Variants in DOCK4 observed in about 807,000 individuals in gnomAD.
The protein encoded by DOCK4 is dedicator of cytokinesis protein 4.
In DOCK4, 97 loss-of-function variants were observed where a neutral mutation model predicts 268.1. The ratio of observed to expected loss-of-function variants is 0.36; its 90% CI spans 0.31 to 0.43. The LOEUF is 0.43. Among genes scored for constraint, DOCK4 ranks in the 20% least tolerant of loss-of-function variants. DOCK4 has a pLI of 1.00. For synonymous variants in DOCK4, 954 were observed against 887.2 expected (o/e 1.08, Z -1.34); for missense variants, 2,145 against 2,455.7 (o/e 0.87, Z 2.67).
At chr7:112,006,167 T>C (rs1800845667) in intron 1 of DOCK4, among the ~76,000 whole-genome samples, 1 of 152,178 alleles carries the variant, frequency 6.6e-6, no homozygotes, top group African/African-American at 2.4e-5. Context: ...CATCACTTAT[T>C]ACCTGTGTGA....
chr7:112,082,470 C>T (rs1808682880), intron 1 of DOCK4, among the ~76,000 whole-genome samples: 2 of 152,168 alleles, frequency 1.3e-5, no homozygotes, highest in Admixed American at 6.6e-5. Context: ...TACTCCTTTA[C>T]TGGGGGATAA....
chr7:111,777,823 T>C (rs1798548043), intron 36 of DOCK4, among the ~76,000 whole-genome samples: 1 of 152,188 alleles, frequency 6.6e-6, no homozygotes, highest in Non-Finnish European at 1.5e-5. Context: ...AACTCTCTCT[T>C]GTCTGCCGCC....
At chr7:111,976,233 T>C (rs1798176663) in intron 8 of DOCK4, among the ~76,000 whole-genome samples, 1 of 116,696 alleles carries the variant, frequency 8.6e-6, no homozygotes, top group South Asian at 2.7e-4. Context: ...CGTGTGTGTG[T>C]ATATATATGT....
intron 1 of DOCK4, among the ~76,000 whole-genome samples, chr7:112,201,320 A>G (rs899235220): frequency 6.6e-6 from 1 of 152,194 alleles, no homozygotes; most frequent in African/African-American, 2.4e-5. Context: ...GAATACAGGA[A>G]TTTATGTGAT....
At chr7:111,971,883 G>A (rs1460190187) in intron 8 of DOCK4, 1 of 218,214 alleles carries the variant, frequency 4.6e-6, no homozygotes. Context: ...TGGATGTACT[G>A]TCTAATGCCA....
chr7:111,940,250 A>T lies in DOCK4; in HGVS notation c.845-8T>A. On this transcript the variant is annotated splice_polypyrimidine_tract_variant and splice_region_variant and intron_variant, in intron 10 of 52. Coordinates refer to ENST00000428084, the MANE Select transcript of DOCK4 (RefSeq NM_001363540.2). Reference sequence around the variant, plus strand: ...CTCCTGCTCCCATTCGACCTGTTCAATTAAAGAGCAATCATTAACCCATGG... The same window carrying T: ...CTCCTGCTCCCATTCGACCTGTTCATTTAAAGAGCAATCATTAACCCATGG... 1 of 1,614,030 alleles carries T rather than the reference A, an allele frequency of 6.2e-7. No homozygotes were observed. Among genetic ancestry groups the T allele is most frequent in the Non-Finnish European group, 8.5e-7 (1 of 1,179,876 alleles).
chr7:111,732,750 G>C (rs146734792), intron 51 of DOCK4, among the ~76,000 whole-genome samples: 32 of 152,298 alleles, frequency 2.1e-4, no homozygotes, highest in South Asian at 4.1e-4. Flanking sequence ...TATTTAATCA[G>C]CTCCCCCCAA....
At chr7:112,032,870 A>G (rs1273280103) in intron 1 of DOCK4, among the ~76,000 whole-genome samples, 3 of 152,318 alleles carry the variant, frequency 2.0e-5, no homozygotes, top group East Asian at 3.9e-4. Context: ...TTTCCATGAA[A>G]AAAAAAGACA....
In DOCK4 at chr7:112,206,086, C is replaced by A; in HGVS notation, c.37+16G>T. ...CGGGCCAGAGCAGAATAAAAGTTCG[C>A]CCCGCGGAGACTCACCCACGCCGTA... On this transcript the variant is annotated intron_variant, in intron 1 of 52. Transcript: ENST00000428084. 1 of 1,573,872 alleles carries A rather than the reference C, an allele frequency of 6.4e-7. No homozygotes were observed. Among genetic ancestry groups the A allele is most frequent in the African/African-American group, 1.4e-5 (1 of 73,970 alleles).
At chr7:112,160,451 T>C (rs1381262798) in intron 1 of DOCK4, among the ~76,000 whole-genome samples, 1 of 152,178 alleles carries the variant, frequency 6.6e-6, no homozygotes, top group Non-Finnish European at 1.5e-5. Flanking sequence ...TCCATGGGAT[T>C]CTTGGGGCAA....
intron 25 of DOCK4, chr7:111,840,664 C>G: frequency 5.8e-6 from 2 of 344,044 alleles, no homozygotes; most frequent in Non-Finnish European, 9.5e-6. Context: ...GACGCCAGTG[C>G]TCATGCTGGT....
chr7:111,857,937 T>C (rs754906435), intron 23 of DOCK4, among the ~76,000 whole-genome samples: 18 of 152,230 alleles, frequency 1.2e-4, no homozygotes, highest in Non-Finnish European at 2.4e-4. Flanking sequence ...TGATTTTTAA[T>C]GCTTTAAATA....
chr7:112,073,016 C>T (rs1237969696), intron 1 of DOCK4, among the ~76,000 whole-genome samples: 2 of 152,100 alleles, frequency 1.3e-5, no homozygotes, highest in East Asian at 1.9e-4. Context: ...TCACAACACC[C>T]CCAGAAGCAT....
In DOCK4 at chr7:112,150,372, T is replaced by C. The variant is rs191081299; in HGVS notation, c.37+55730A>G. On this transcript the variant is annotated intron_variant, in intron 1 of 52. Transcript: ENST00000428084. The stretch of plus-strand genomic sequence containing the variant: ...TAATCAATGAAACATCCGTCAAGAA[T>C]GAGCACTTGTCTGCCAACATGCCGC... Among the ~76,000 whole-genome samples, 34 of 152,282 alleles carry C rather than the reference T, an allele frequency of 2.2e-4. No individual in the cohort carries two copies. The Middle Eastern group carries it at 0.01, about 46-fold the overall frequency.
intron 1 of DOCK4, among the ~76,000 whole-genome samples, chr7:112,107,229 C>T (rs1338370651): frequency 6.6e-6 from 1 of 152,204 alleles, no homozygotes; most frequent in Admixed American, 6.5e-5. Flanking sequence ...CTTGTGTTCC[C>T]ACAAACTTCA....
chr7:111,841,809 T>C (rs1424413647), intron 25 of DOCK4, among the ~76,000 whole-genome samples: 1 of 152,184 alleles, frequency 6.6e-6, no homozygotes, highest in East Asian at 1.9e-4. Flanking sequence ...ACTGACTTCC[T>C]GAAGTCTCGT....
rs1314454121 is a variant in DOCK4, at chr7:111,726,890, G to T, written c.*1384C>A. 1 of 152,452 alleles carries T rather than the reference G, an allele frequency of 6.6e-6. No individual in the cohort carries two copies. The highest frequency in any genetic ancestry group is 1.5e-5 in the Non-Finnish European group (1 of 68,014). The allele number at this position is 152,452 out of a possible 1,614,324, so 9.4% of individuals were successfully genotyped here. A position where few individuals can be genotyped will look rare whatever the true frequency, so the allele number is the denominator to read the frequency against. ...CCTCAACAGCATATACCTGCTGAAT[G>T]GTTTCATTAAGAGAATATAAAAAAG... On this transcript the variant is annotated 3_prime_UTR_variant, in exon 53 of 53. Transcript: ENST00000428084.
rs563083224 is a variant in DOCK4, at chr7:111,833,142, C to T, written c.2835+1446G>A. Among the ~76,000 whole-genome samples the T allele has an allele frequency of 1.5e-4, 23 of 152,218 alleles. No homozygotes were observed. In the East Asian group the frequency reaches 3.3e-3, roughly 22 times the overall value. On this transcript the variant is annotated intron_variant, in intron 26 of 52. Transcript: ENST00000428084. ...ACTGTGTTAAGAATACAGCTTCTAA[C>T]GAAAGTTAATAAATGCACAGTTCTC...
intron 1 of DOCK4, among the ~76,000 whole-genome samples, chr7:112,012,062 G>A (rs1250947778): frequency 6.6e-6 from 1 of 151,678 alleles, no homozygotes; most frequent in Non-Finnish European, 1.5e-5. Flanking sequence ...GATGTCACAA[G>A]GATCAAACAA....
Sources: gnomAD v4.1 joint callset for allele counts (sites outside exome capture counted in the v4.1 genomes callset) on GRCh38, gnomAD v4.1.1 for gene constraint, MANE v1.5 for transcripts, NCBI Gene and HGNC (gene_info 2026-07-23, HGNC 2026-07-21) for gene names.